GDA: variants seen among roughly 807,000 people sequenced by gnomAD.
The protein encoded by GDA is guanine deaminase, also known as cytoplasmic PSD-95 interactor.
Under a neutral mutation model 59.6 loss-of-function variants are expected in GDA, and 18 were observed. The ratio of observed to expected loss-of-function variants is 0.30; its 90% CI spans 0.21 to 0.45. The LOEUF (loss-of-function observed/expected upper bound fraction) is 0.45. Ranked by LOEUF, GDA falls within the 20% of genes least tolerant of loss-of-function variation. The probability of loss-of-function intolerance (pLI) is 1.00; values close to 1 mark genes in which losing one functional copy is unlikely to be tolerated. For synonymous variants in GDA, 201 were observed against 201.1 expected (o/e 1.00, Z 0.00); for missense variants, 427 against 552.3 (o/e 0.77, Z 2.27).
intron 1 of GDA, among the ~76,000 whole-genome samples, chr9:72,154,682 C>G (rs1827684802): frequency 6.6e-6 from 1 of 152,156 alleles, no homozygotes; most frequent in Admixed American, 6.6e-5. Context: ...TTTCCACTAA[C>G]AGATGAGGAA....
chr9:72,232,262 A>C (rs1406107704), intron 10 of GDA, among the ~76,000 whole-genome samples: 1 of 152,174 alleles, frequency 6.6e-6, no homozygotes, highest in Admixed American at 6.5e-5. Context: ...GGTGGTTTTC[A>C]TCACTTTCTG....
At chr9:72,196,519 C>G (rs1334045125) in intron 2 of GDA, among the ~76,000 whole-genome samples, 2 of 150,712 alleles carry the variant, frequency 1.3e-5, no homozygotes, top group African/African-American at 4.9e-5. Context: ...TTCCTCATAG[C>G]CTGGTTGATA....
chr9:72,148,079 G>A (rs917753773), upstream of GDA, among the ~76,000 whole-genome samples: 1 of 152,166 alleles, frequency 6.6e-6, no homozygotes, highest in Non-Finnish European at 1.5e-5. Context: ...ATTTCTATAA[G>A]CCAGCCCTGT....
chr9:72,228,165 G>GATAGATA, intron 9 of GDA, 125 bp downstream of exon 9: 1 of 659,714 alleles, frequency 1.5e-6, no homozygotes, highest in Admixed American at 2.2e-5. Flanking sequence ...GCAGGACCCA[G>GATAGATA]ATAGATAGAC....
Position 72,202,590 on chromosome 9 carries a change from C to T in GDA, c.232C>T (p.Leu78=). 1 of 1,606,412 alleles carries T rather than the reference C, an allele frequency of 6.2e-7. No homozygotes were observed. Among genetic ancestry groups the T allele is most frequent in the Non-Finnish European group, 8.5e-7 (1 of 1,174,436 alleles). The part of the protein sequence containing the change: ...LSHHEFFMPG[L]VDTHIHASQY... ...TTCCAGTGAGTTCTTCATGCCTGGG[C>T]TGGTTGATACACACATCCATGCCTC... The change falls in exon 3 of 14, where the codon CTG becomes TTG. Residue 78 remains leucine, a synonymous_variant. Coordinates refer to ENST00000358399, the MANE Select transcript of GDA (RefSeq NM_004293.5).
intron 1 of GDA, among the ~76,000 whole-genome samples, chr9:72,155,314 A>G (rs1245793718): frequency 6.6e-6 from 1 of 152,180 alleles, no homozygotes; most frequent in African/African-American, 2.4e-5. Flanking sequence ...CCATGAGAAC[A>G]GTATGGGGGA....
chr9:72,245,797 A>G (rs1223359844), intron 12 of GDA, among the ~76,000 whole-genome samples: 2 of 152,204 alleles, frequency 1.3e-5, no homozygotes, highest in African/African-American at 2.4e-5. Flanking sequence ...TGCTATGTCA[A>G]TGTTTTTAAT....
At chr9:72,116,919 T>C in intron 1 of GDA, among the ~76,000 whole-genome samples, 1 of 142,190 alleles carries the variant, frequency 7.0e-6, no homozygotes, top group Non-Finnish European at 1.5e-5. Flanking sequence ...ATGCTATCCC[T>C]CCCCCCTCCC....
downstream of GDA, among the ~76,000 whole-genome samples, chr9:72,255,284 T>C (rs1840858298): frequency 6.6e-6 from 1 of 152,232 alleles, no homozygotes; most frequent in East Asian, 1.9e-4. Flanking sequence ...AAAGGGGTAG[T>C]AACTTCCAGG....
At chr9:72,145,769 T>G (rs1404918749), upstream of GDA, among the ~76,000 whole-genome samples, 2 of 152,194 alleles carry the variant, frequency 1.3e-5, no homozygotes, top group African/African-American at 2.4e-5. Context: ...GTCTGAACAT[T>G]CTCATAAAAT....
At chr9:72,169,576 T>C (rs762817687) in intron 1 of GDA, among the ~76,000 whole-genome samples, 13 of 152,206 alleles carry the variant, frequency 8.5e-5, no homozygotes, top group Non-Finnish European at 1.8e-4. Flanking sequence ...TCTTTGCAGG[T>C]TCGTATAAAT....
At chr9:72,173,476 G>A (rs764831271) in intron 1 of GDA, among the ~76,000 whole-genome samples, 6 of 151,906 alleles carry the variant, frequency 3.9e-5, no homozygotes, top group East Asian at 3.9e-4. Flanking sequence ...GAATACAGGC[G>A]TGTGCCACCA....
intron 1 of GDA, among the ~76,000 whole-genome samples, chr9:72,168,049 G>T (rs1313366016): frequency 2.6e-5 from 4 of 152,102 alleles, no homozygotes; most frequent in African/African-American, 9.7e-5. Context: ...GATAGAATGT[G>T]CTCAGCATAT....
intron 1 of GDA, among the ~76,000 whole-genome samples, chr9:72,170,437 G>A (rs116890512): frequency 0.014 from 2,181 of 152,256 alleles, 136 homozygotes; most frequent in Admixed American, 0.096. Flanking sequence ...GATTTTACAA[G>A]TTAAATAATG....
At chr9:72,172,791 C>G (rs1349369509) in intron 1 of GDA, among the ~76,000 whole-genome samples, 1 of 151,860 alleles carries the variant, frequency 6.6e-6, no homozygotes. Context: ...TAACCAATTA[C>G]TCTATTTTGA....
rs367893774 is a variant in GDA, at chr9:72,181,701, G to A, written c.124-13799G>A. ...GTCACCTGGGATGGAGCACAGTGGCGTGATGGTAGCTCACTGCAACCTTGA... is the reference window on the plus strand; with the variant it reads ...GTCACCTGGGATGGAGCACAGTGGCATGATGGTAGCTCACTGCAACCTTGA... On this transcript the variant is annotated intron_variant, in intron 1 of 13. Coordinates refer to ENST00000358399, the MANE Select transcript of GDA (RefSeq NM_004293.5). 4.5e-3 allele frequency among the ~76,000 whole-genome samples: 682 copies of A among 152,056 alleles called. 6 individuals are homozygous for A. Among genetic ancestry groups the A allele is most frequent in the African/African-American group, 0.016 (644 of 41,456 alleles).
At position 72,202,604 on chromosome 9, in the gene GDA, C is replaced by T. The variant is rs529545864; in HGVS notation, c.246C>T (p.His82=). ...EFFMPGLVDT[H]IHASQYSFAG... The stretch of plus-strand genomic sequence containing the variant: ...TCATGCCTGGGCTGGTTGATACACA[C>T]ATCCATGCCTCTCAGTATTCCTTTG... Residue 82 remains histidine, a synonymous_variant, in exon 3 of 14, where the codon CAC becomes CAT. Coordinates refer to ENST00000358399, the MANE Select transcript of GDA (RefSeq NM_004293.5). 4 of 1,611,812 alleles carry T rather than the reference C, an allele frequency of 2.5e-6. No homozygotes were observed. The East Asian group carries it at 8.9e-5, about 36-fold the overall frequency.
At chr9:72,157,660 C>T (rs981741790) in intron 1 of GDA, among the ~76,000 whole-genome samples, 1 of 152,156 alleles carries the variant, frequency 6.6e-6, no homozygotes, top group South Asian at 2.1e-4. Flanking sequence ...TCTAGTATTT[C>T]CCCCACATTA....
At chr9:72,200,659 T>C (rs1833875259) in intron 2 of GDA, among the ~76,000 whole-genome samples, 1 of 152,228 alleles carries the variant, frequency 6.6e-6, no homozygotes, top group African/African-American at 2.4e-5. Flanking sequence ...TATTCCGTTT[T>C]ATGACGGGAG....
Sources: gnomAD v4.1 joint callset for allele counts (sites outside exome capture counted in the v4.1 genomes callset) on GRCh38, gnomAD v4.1.1 for gene constraint, MANE v1.5 for transcripts, NCBI Gene and HGNC (gene_info 2026-07-23, HGNC 2026-07-21) for gene names.